HPCAL1: variants seen among roughly 807,000 people sequenced by gnomAD.
The protein encoded by HPCAL1 is hippocalcin-like protein 1.
In HPCAL1, 8 loss-of-function variants were observed where a neutral mutation model predicts 17.1. That is an observed-to-expected ratio of 0.47 (90% CI 0.27 to 0.84). The LOEUF (loss-of-function observed/expected upper bound fraction) is 0.84. HPCAL1 is among the 40% of genes least tolerant of loss of function. The pLI, the probability that HPCAL1 is intolerant of heterozygous loss-of-function variation, is 0.13. For synonymous variants in HPCAL1, 112 were observed against 111.4 expected (o/e 1.01, Z -0.03); for missense variants, 165 against 271.1 (o/e 0.61, Z 2.75).
rs1017221484 is a variant in HPCAL1, at chr2:10,384,072, G to A, written c.-110-12763G>A. On this transcript the variant is annotated intron_variant, in intron 1 of 4. Transcript: ENST00000307845. The surrounding 1 kb of genome is among the most constrained non-coding windows in gnomAD (Gnocchi z 4.4). ...TTTGCTGGTGGCTCTGGATTGGTAA[G>A]CTGGCTCCATGGCAAGAATCAGCAT... Among the ~76,000 whole-genome samples, 24 of 152,060 alleles carry A rather than the reference G, an allele frequency of 1.6e-4. No individual in the cohort carries two copies. The highest frequency in any genetic ancestry group is 5.3e-4 in the African/African-American group (22 of 41,354).
chr2:10,418,865 A>G (rs1232589552), intron 2 of HPCAL1, among the ~76,000 whole-genome samples: 4 of 152,062 alleles, frequency 2.6e-5, no homozygotes, highest in Non-Finnish European at 5.9e-5. Flanking sequence ...TTTACTGCCT[A>G]GAGCTAATTC....
rs948793430 is a variant in HPCAL1 at position 10,343,963 on chromosome 2, C to T, written c.-111+40786C>T. ...GCTGCACCTCTTGGGATATAGAGAA[C>T]GCTGGCTTCAGACCCGGCAGGAGTA... On this transcript the variant is annotated intron_variant, in intron 1 of 4. Coordinates refer to ENST00000307845, the MANE Select transcript of HPCAL1 (RefSeq NM_002149.4). This position sits in a 1 kb window ranked among gnomAD's most constrained non-coding sequence, Gnocchi z 4.8. Among the ~76,000 whole-genome samples the T allele has an allele frequency of 1.2e-4, 19 of 152,186 alleles. No homozygotes were observed. The highest frequency in any genetic ancestry group is 1.9e-4 in the African/African-American group (8 of 41,448).
chr2:10,314,291 CA>C (rs1663164667), intron 1 of HPCAL1, among the ~76,000 whole-genome samples: 1 of 149,784 alleles, frequency 6.7e-6, no homozygotes, highest in South Asian at 2.1e-4. Flanking sequence ...GAGATTGGTG[CA>C]GGGGTGGGGG....
At chr2:10,312,000 C>T (rs1158214623) in intron 1 of HPCAL1, among the ~76,000 whole-genome samples, 4 of 151,744 alleles carry the variant, frequency 2.6e-5, no homozygotes, top group Non-Finnish European at 5.9e-5. Flanking sequence ...TCATCACCAT[C>T]GCCATCATCA....
intron 3 of HPCAL1, 73 bp downstream of exon 3, chr2:10,420,208 G>GTTTTT: frequency 1.4e-6 from 1 of 734,152 alleles, no homozygotes; most frequent in Non-Finnish European, 1.8e-6. Context: ...CCAGCCCAGG[G>GTTTTT]CTTTTTTTTT....
rs144354882 is a variant in HPCAL1, at chr2:10,405,607, A to C, written c.-25+8687A>C. Among the ~76,000 whole-genome samples the C allele has an allele frequency of 2.8e-4, 42 of 152,310 alleles. No homozygotes were observed. In the East Asian group the frequency reaches 8.1e-3, roughly 29 times the overall value. Reference sequence around the variant, plus strand: ...CGGAATTCTGCCATCTGACGCGTAGATCTTCCCCCCAGGCATGGGTCAGTG... The same window carrying C: ...CGGAATTCTGCCATCTGACGCGTAGCTCTTCCCCCCAGGCATGGGTCAGTG... On this transcript the variant is annotated intron_variant, in intron 2 of 4. Coordinates refer to ENST00000307845, the MANE Select transcript of HPCAL1 (RefSeq NM_002149.4).
chr2:10,407,267 T>C (rs1212940025), intron 2 of HPCAL1, among the ~76,000 whole-genome samples: 1 of 152,192 alleles, frequency 6.6e-6, no homozygotes, highest in Non-Finnish European at 1.5e-5. Context: ...TGAATGTGCC[T>C]TCTTGGAGCA....
At chr2:10,386,254 C>G (rs13033617) in intron 1 of HPCAL1, among the ~76,000 whole-genome samples, 66,644 of 152,040 alleles carry the variant, frequency 0.44, 14,930 homozygotes, top group African/African-American at 0.49. Context: ...CTCCCTGTTG[C>G]CAAATGCAGC....
intron 2 of HPCAL1, among the ~76,000 whole-genome samples, chr2:10,415,497 A>G (rs1318285433): frequency 6.6e-6 from 1 of 152,094 alleles, no homozygotes; most frequent in Non-Finnish European, 1.5e-5. Context: ...TGCCCCGCCT[A>G]TGAGCCATCT....
rs1662475128 is a variant in HPCAL1 at position 10,304,327 on chromosome 2, C to T, written c.-111+1150C>T. Among the ~76,000 whole-genome samples the T allele has an allele frequency of 1.3e-5, 2 of 152,228 alleles. No individual in the cohort carries two copies. Among genetic ancestry groups the T allele is most frequent in the South Asian group, 4.1e-4 (2 of 4,838 alleles). On this transcript the variant is annotated intron_variant, in intron 1 of 4. Transcript: ENST00000307845. The surrounding 1 kb of genome is among the most constrained non-coding windows in gnomAD (Gnocchi z 4.1). The stretch of plus-strand genomic sequence containing the variant: ...AGCTCGTGGAGTCCGAGAGTCACGG[C>T]GTAAAATTGGCGCTTCCCGCACATG...
rs1023184440 is a variant in HPCAL1 at position 10,343,073 on chromosome 2, A to C, written c.-111+39896A>C. ...GTGTGTAGAGTAGGGGTCCTTCCCC[A>C]GCTCCAGGCCCTGTGTGTTTCCAAG... is the stretch of plus-strand genomic sequence containing the variant. On this transcript the variant is annotated intron_variant, in intron 1 of 4. Coordinates refer to ENST00000307845, the MANE Select transcript of HPCAL1 (RefSeq NM_002149.4). The surrounding 1 kb of genome is among the most constrained non-coding windows in gnomAD (Gnocchi z 4.8). Among the ~76,000 whole-genome samples the C allele has an allele frequency of 5.3e-5, 8 of 152,306 alleles. No individual in the cohort carries two copies. Among genetic ancestry groups the C allele is most frequent in the South Asian group, 2.1e-4 (1 of 4,828 alleles).
At chr2:10,335,479 G>C (rs1664659432) in intron 1 of HPCAL1, among the ~76,000 whole-genome samples, 1 of 152,200 alleles carries the variant, frequency 6.6e-6, no homozygotes, top group Admixed American at 6.5e-5. Flanking sequence ...CAGCAAAGGG[G>C]AACCTCATGA....
At chr2:10,386,774 C>G (rs142660203) in intron 1 of HPCAL1, among the ~76,000 whole-genome samples, 1,787 of 152,302 alleles carry the variant, frequency 0.012, 43 homozygotes, top group African/African-American at 0.041. Context: ...CCCCCACCAG[C>G]CCCGCTGCCT....
intron 1 of HPCAL1, among the ~76,000 whole-genome samples, chr2:10,350,319 CTTT>C (rs34432791): frequency 2.5e-4 from 32 of 130,154 alleles, no homozygotes; most frequent in Non-Finnish European, 2.6e-4. Flanking sequence ...AATCTATGTC[CTTT>C]TTTTTTTTTT....
chr2:10,316,242 G>T (rs1170411353), intron 1 of HPCAL1, among the ~76,000 whole-genome samples: 2 of 152,082 alleles, frequency 1.3e-5, no homozygotes, highest in African/African-American at 4.8e-5. Context: ...GCTTTTCACG[G>T]CCCTGGCTTT....
At chr2:10,340,275 C>T (rs1664995792) in intron 1 of HPCAL1, among the ~76,000 whole-genome samples, 1 of 152,190 alleles carries the variant, frequency 6.6e-6, no homozygotes, top group Admixed American at 6.5e-5. Context: ...GGAAAGATAT[C>T]AATGCTTCCT....
intron 1 of HPCAL1, among the ~76,000 whole-genome samples, chr2:10,345,464 CT>C (rs60570271): frequency 1.9e-4 from 27 of 144,664 alleles, no homozygotes; most frequent in Admixed American, 2.8e-4. Context: ...CCTAGAAAAA[CT>C]TTTTTTTTTT....
In HPCAL1 at chr2:10,377,264, C is replaced by T. The variant is rs1482180163; in HGVS notation, c.-110-19571C>T. Among the ~76,000 whole-genome samples, 1 of 152,232 alleles carries T rather than the reference C, an allele frequency of 6.6e-6. No individual in the cohort carries two copies. Among genetic ancestry groups the T allele is most frequent in the African/African-American group, 2.4e-5 (1 of 41,454 alleles). ...GCCCCGAATGGCAGGTGGAAGGCGG[C>T]TGAGTGGAGCCGCAGCAAATGCAAC... On this transcript the variant is annotated intron_variant, in intron 1 of 4. Coordinates refer to ENST00000307845, the MANE Select transcript of HPCAL1 (RefSeq NM_002149.4). The surrounding 1 kb of genome is among the most constrained non-coding windows in gnomAD (Gnocchi z 5.9).
Position 10,327,036 on chromosome 2 carries a change from G to A in HPCAL1, c.-111+23859G>A, listed in dbSNP as rs147714003. On this transcript the variant is annotated intron_variant, in intron 1 of 4. Transcript: ENST00000307845. ...GAACTCCTTCTCCCAGGTGGCCAGA[G>A]CATGTTGAAGTGACCCTGACTTTCT... Among the ~76,000 whole-genome samples the A allele has an allele frequency of 1.7e-3, 257 of 152,318 alleles. 4 individuals are homozygous for A. The highest frequency in any genetic ancestry group is 5.3e-3 in the African/African-American group (220 of 41,566).
Sources: gnomAD v4.1 joint callset for allele counts (sites outside exome capture counted in the v4.1 genomes callset) on GRCh38, gnomAD v4.1.1 for gene constraint, Gnocchi (gnomAD v3.1) non-coding constraint, MANE v1.5 for transcripts, NCBI Gene and HGNC (gene_info 2026-07-23, HGNC 2026-07-21) for gene names.